The following RFTN1 variants were observed in gnomAD, a reference collection of about 807,000 sequenced individuals.
RFTN1 encodes the protein raftlin, lipid raft linker 1, also known as raftlin.
RFTN1 carries 26 observed loss-of-function variants against 46.5 expected under a neutral mutation model. The observed-to-expected ratio is 0.56, with a 90% CI of 0.41 to 0.78. The LOEUF is 0.78. Among genes scored for constraint, RFTN1 ranks in the 30% least tolerant of loss-of-function variants. RFTN1 has a pLI of 0.00. For missense variants in RFTN1, 693 were observed against 718.7 expected, an observed-to-expected ratio of 0.96 and a Z score of 0.41; for synonymous variants, 261 against 284.2, an observed-to-expected ratio of 0.92 and a Z score of 0.82.
rs2075325629 is a variant in RFTN1 at position 16,428,461 on chromosome 3, A to G, written c.332+5390T>C. ...TGCACTTCAAAAGATTTTCAAGGGT[A>G]ACTTTGATTGTACACATTTTCCACC... On this transcript the variant is annotated intron_variant, in intron 3 of 9. Transcript: ENST00000334133. This position sits in a 1 kb window ranked among gnomAD's most constrained non-coding sequence, Gnocchi z 4.7. Among the ~76,000 whole-genome samples the G allele has an allele frequency of 6.6e-6, 1 of 152,236 alleles. No homozygotes were observed. Among genetic ancestry groups the G allele is most frequent in the East Asian group, 1.9e-4 (1 of 5,202 alleles).
intron 1 of RFTN1, among the ~76,000 whole-genome samples, chr3:16,508,850 A>AAATCCCCCGG (rs2076853373): frequency 6.6e-6 from 1 of 152,182 alleles, no homozygotes; most frequent in Non-Finnish European, 1.5e-5. Context: ...AAAACACCAC[A>AAATCCCCCGG]GAGCAGCACT....
Position 16,403,589 on chromosome 3 carries a change from T to C in RFTN1, c.441+5786A>G, listed in dbSNP as rs2074662411. On this transcript the variant is annotated intron_variant, in intron 4 of 9. Coordinates refer to ENST00000334133, the MANE Select transcript of RFTN1 (RefSeq NM_015150.2). ...ACACACACACATATATTATATTTTA[T>C]ATATATAATATATAATATATATATA... Among the ~76,000 whole-genome samples, 2 of 72,714 alleles carry C rather than the reference T, an allele frequency of 2.8e-5. 1 individual carries two copies. Among genetic ancestry groups the C allele is most frequent in the African/African-American group, 1.3e-4 (2 of 15,704 alleles). The allele number at this position is 72,714 out of a possible 152,430, so 47.7% of individuals were successfully genotyped here. A position where few individuals can be genotyped will look rare whatever the true frequency, so the allele number is the denominator to read the frequency against.
rs1481280908 is a variant in RFTN1, at chr3:16,457,980, C to A, written c.146-23943G>T. ...CACCATGTGAGGACACAGCATTCCA[C>A]CCCTCTGGAGGATGCAAAAACAAGT... On this transcript the variant is annotated intron_variant, in intron 2 of 9. Coordinates refer to ENST00000334133, the MANE Select transcript of RFTN1 (RefSeq NM_015150.2). This position sits in a 1 kb window ranked among gnomAD's most constrained non-coding sequence, Gnocchi z 4.2. Among the ~76,000 whole-genome samples the A allele has an allele frequency of 6.6e-6, 1 of 152,132 alleles. No homozygotes were observed. Among genetic ancestry groups the A allele is most frequent in the Non-Finnish European group, 1.5e-5 (1 of 68,024 alleles).
chr3:16,501,093 C>T (rs2076703447), intron 1 of RFTN1, among the ~76,000 whole-genome samples: 1 of 152,124 alleles, frequency 6.6e-6, no homozygotes, highest in African/African-American at 2.4e-5. Flanking sequence ...ACTCTGATCG[C>T]ACCACCGCAC....
intron 6 of RFTN1, among the ~76,000 whole-genome samples, chr3:16,364,801 A>C (rs376647396): frequency 6.6e-6 from 1 of 152,356 alleles, no homozygotes; most frequent in African/African-American, 2.4e-5. Context: ...CCACAATGAC[A>C]AGTATATAAA....
chr3:16,458,248 T>C lies in RFTN1; in HGVS notation c.146-24211A>G, dbSNP rs1481550184. On this transcript the variant is annotated intron_variant, in intron 2 of 9. Coordinates refer to ENST00000334133, the MANE Select transcript of RFTN1 (RefSeq NM_015150.2). The surrounding 1 kb of genome is among the most constrained non-coding windows in gnomAD (Gnocchi z 5.1). The stretch of plus-strand genomic sequence containing the variant: ...GATAAAAGGAAACAAGATGAGATGA[T>C]TAGACAATAGAGGTGTACAAAGCCA... 2.0e-5 allele frequency among the ~76,000 whole-genome samples: 3 copies of C among 152,158 alleles called. No individual in the cohort carries two copies. Among genetic ancestry groups the C allele is most frequent in the African/African-American group, 7.2e-5 (3 of 41,422 alleles).
Position 16,458,238 on chromosome 3 carries a change from G to A in RFTN1, c.146-24201C>T, listed in dbSNP as rs1443609435. Among the ~76,000 whole-genome samples the A allele has an allele frequency of 2.0e-5, 3 of 152,214 alleles. No individual in the cohort carries two copies. Among genetic ancestry groups the A allele is most frequent in the African/African-American group, 7.2e-5 (3 of 41,438 alleles). On this transcript the variant is annotated intron_variant, in intron 2 of 9. Coordinates refer to ENST00000334133, the MANE Select transcript of RFTN1 (RefSeq NM_015150.2). The surrounding 1 kb of genome is among the most constrained non-coding windows in gnomAD (Gnocchi z 5.1). ...GTACCAGGAAGATAAAAGGAAACAAGATGAGATGATTAGACAATAGAGGTG... is the reference window on the plus strand; with the variant it reads ...GTACCAGGAAGATAAAAGGAAACAAAATGAGATGATTAGACAATAGAGGTG...
chr3:16,493,650 A>G (rs1218187337), intron 2 of RFTN1, 75 bp downstream of exon 2: 6 of 1,298,122 alleles, frequency 4.6e-6, no homozygotes, highest in South Asian at 1.4e-5. Context: ...CAGCTCTCCA[A>G]CTGCACCCCC....
At chr3:16,389,869 C>T (rs556338343) in intron 4 of RFTN1, among the ~76,000 whole-genome samples, 4 of 152,306 alleles carry the variant, frequency 2.6e-5, no homozygotes, top group Non-Finnish European at 5.9e-5. Flanking sequence ...GAAAAGGACC[C>T]TTATGTGACC....
intron 7 of RFTN1, among the ~76,000 whole-genome samples, chr3:16,350,847 A>G (rs2072049780): frequency 6.6e-6 from 1 of 152,244 alleles, no homozygotes. Context: ...ATTATCTTGG[A>G]GAAACTGTGG....
At chr3:16,492,419 C>T (rs190656114) in intron 2 of RFTN1, among the ~76,000 whole-genome samples, 69 of 152,288 alleles carry the variant, frequency 4.5e-4, no homozygotes, top group African/African-American at 1.4e-3. Flanking sequence ...TCACAACTGC[C>T]CCATGAAGTG....
chr3:16,422,565 A>G lies in RFTN1; in HGVS notation c.332+11286T>C, dbSNP rs12631292. 0.17 allele frequency among the ~76,000 whole-genome samples: 25,999 copies of G among 151,924 alleles called. 2,350 individuals are homozygous for G. Among genetic ancestry groups the G allele is most frequent in the Admixed American group, 0.22 (3,431 of 15,278 alleles). On this transcript the variant is annotated intron_variant, in intron 3 of 9. Coordinates refer to ENST00000334133, the MANE Select transcript of RFTN1 (RefSeq NM_015150.2). This position sits in a 1 kb window ranked among gnomAD's most constrained non-coding sequence, Gnocchi z 4.6. ...AGAATCACTTGAACCCGGGAGGCGG[A>G]AGTTGCAGTGAGCCGAGATTGTGCC...
intron 5 of RFTN1, among the ~76,000 whole-genome samples, chr3:16,375,215 G>A (rs1451555708): frequency 6.6e-5 from 10 of 152,076 alleles, no homozygotes; most frequent in Admixed American, 6.5e-5. Flanking sequence ...GGGGGGGCCC[G>A]TGTGTGCCTG....
In RFTN1 at chr3:16,389,261, C is replaced by G. The variant is rs574694032; in HGVS notation, c.442-11159G>C. 4.6e-5 allele frequency among the ~76,000 whole-genome samples: 7 copies of G among 152,292 alleles called. No homozygotes were observed. The East Asian group carries it at 1.4e-3, about 29-fold the overall frequency. ...CGACTCCAGACCAACAAAAATATAA[C>G]AGGGTCCTAATGACATTTGAAACTC... On this transcript the variant is annotated intron_variant, in intron 4 of 9. Transcript: ENST00000334133.
chr3:16,381,825 A>T lies in RFTN1; in HGVS notation c.442-3723T>A, dbSNP rs540738663. ...CTTGACTAGACATGACAAGGACCGG[A>T]TCACATATGGCCTTGGATCCATGCC... is the stretch of plus-strand genomic sequence containing the variant. On this transcript the variant is annotated intron_variant, in intron 4 of 9. Transcript: ENST00000334133. The surrounding 1 kb of genome is among the most constrained non-coding windows in gnomAD (Gnocchi z 4.2). 6.6e-6 allele frequency among the ~76,000 whole-genome samples: 1 copy of T among 152,162 alleles called. No individual in the cohort carries two copies. Among genetic ancestry groups the T allele is most frequent in the African/African-American group, 2.4e-5 (1 of 41,440 alleles).
chr3:16,471,302 C>T (rs891177236), intron 2 of RFTN1, among the ~76,000 whole-genome samples: 1 of 152,212 alleles, frequency 6.6e-6, no homozygotes, highest in Admixed American at 6.5e-5. Flanking sequence ...AGACAGTATG[C>T]ATAGTGGTTA....
chr3:16,435,940 ATAT>A (rs2125500634), intron 2 of RFTN1, among the ~76,000 whole-genome samples: 1 of 146,188 alleles, frequency 6.8e-6, no homozygotes, highest in South Asian at 2.1e-4. Context: ...ATATATATAT[ATAT>A]ATCACACACA....
chr3:16,355,648 C>G (rs2072385939), intron 7 of RFTN1, among the ~76,000 whole-genome samples: 1 of 152,206 alleles, frequency 6.6e-6, no homozygotes, highest in Admixed American at 6.5e-5. Flanking sequence ...TCTATACCCG[C>G]CCTGGTTCTT....
At chr3:16,378,483 T>C (rs558323078) in intron 4 of RFTN1, among the ~76,000 whole-genome samples, 21 of 152,350 alleles carry the variant, frequency 1.4e-4, no homozygotes, top group African/African-American at 5.1e-4. Flanking sequence ...TTGTCACTTT[T>C]TTTCGGACGA....
Sources: allele counts gnomAD v4.1 joint callset (sites outside exome capture counted in the v4.1 genomes callset), GRCh38; gene constraint gnomAD v4.1.1; non-coding constraint Gnocchi (gnomAD v3.1); transcripts MANE v1.5; gene names NCBI Gene and HGNC (gene_info 2026-07-23, HGNC 2026-07-21).